The following TMEM154 variants were observed in gnomAD, a reference collection of about 807,000 sequenced individuals.
The protein encoded by TMEM154 is transmembrane protein 154.
Under a neutral mutation model 24.5 loss-of-function variants are expected in TMEM154, and 27 were observed. The ratio of observed to expected loss-of-function variants is 1.10; its 90% confidence interval spans 0.81 to 1.52. The LOEUF (loss-of-function observed/expected upper bound fraction) is 1.52, where lower values mean the gene tolerates loss of function less well. TMEM154 is among the 40% of genes most tolerant of loss of function. TMEM154 has a pLI of 0.00. For missense variants in TMEM154, 228 were observed against 213.4 expected (o/e 1.07, Z -0.43); for synonymous variants, 67 against 76.8 (o/e 0.87, Z 0.67).
chr4:152,623,957 T>G lies in TMEM154; in HGVS notation c.*4589A>C, dbSNP rs1561040727. On this transcript the variant is annotated 3_prime_UTR_variant, in exon 7 of 7. Transcript: ENST00000304385. ...AAAGTCCAGTTACTTATTTACAAAA[T>G]ACTAAAGGCCAATGATAAGGTGATA... 1 of 151,104 alleles carries G rather than the reference T, an allele frequency of 6.6e-6. No homozygotes were observed. The highest frequency in any genetic ancestry group is 1.5e-5 in the Non-Finnish European group (1 of 67,856). 9.4% of individuals were successfully genotyped at this position (151,104 alleles called of 1,614,324 possible).
intron 4 of TMEM154, among the ~76,000 whole-genome samples, chr4:152,644,111 C>T (rs989895827): frequency 2.0e-5 from 3 of 152,170 alleles, no homozygotes; most frequent in African/African-American, 7.2e-5. Flanking sequence ...TGAAATACAG[C>T]TAGGGATAGA....
Position 152,626,220 on chromosome 4 carries a change from A to C in TMEM154, c.*2326T>G, listed in dbSNP as rs1329578706. The C allele has an allele frequency of 7.9e-5, 12 of 152,700 alleles. No homozygotes were observed. The highest frequency in any genetic ancestry group is 7.8e-4 in the Admixed American group (12 of 15,290). The allele number at this position is 152,700 out of a possible 1,614,324, so 9.5% of individuals were successfully genotyped here. A position where few individuals can be genotyped will look rare whatever the true frequency, so the allele number is the denominator to read the frequency against. On this transcript the variant is annotated 3_prime_UTR_variant, in exon 7 of 7. Coordinates refer to ENST00000304385, the MANE Select transcript of TMEM154 (RefSeq NM_152680.3). The stretch of plus-strand genomic sequence containing the variant: ...AATGTACGAAAATGCAATCAAACTT[A>C]CATATCTTTTAAATATTCGAAAGTC...
rs112861894 is a variant in TMEM154 at position 152,647,330 on chromosome 4, G to GAA, written c.365-2890_365-2889dup. The stretch of plus-strand genomic sequence containing the variant: ...CTTCCATGATAGTTGTATTTTACCT[G>GAA]AAAAAAAATCAAATTTTGCTCATGT... On this transcript the variant is annotated intron_variant, in intron 3 of 6. Coordinates refer to ENST00000304385, the MANE Select transcript of TMEM154 (RefSeq NM_152680.3). The GAA allele has an allele frequency of 7.3e-4, 718 of 984,826 alleles. 4 individuals are homozygous for GAA. In the African/African-American group the frequency reaches 0.011, roughly 15 times the overall value. The allele number at this position is 984,826 out of a possible 1,614,324, so 61.0% of individuals were successfully genotyped here.
Position 152,628,707 on chromosome 4 carries a change from G to A in TMEM154, c.537-146C>T, listed in dbSNP as rs145709598. 188 of 1,043,836 alleles carry A rather than the reference G, an allele frequency of 1.8e-4. 1 individual carries two copies. In the East Asian group the frequency reaches 5.3e-3, roughly 29 times the overall value. The allele number at this position is 1,043,836 out of a possible 1,614,324, so 64.7% of individuals were successfully genotyped here. On this transcript the variant is annotated intron_variant, in intron 6 of 6. Transcript: ENST00000304385. ...GCTGGAGCGCAGTGGCACAATCTCG[G>A]CCCACTGCAAGCTCCACCTCCCAGG...
intron 1 of TMEM154, among the ~76,000 whole-genome samples, chr4:152,658,063 A>G (rs114248985): frequency 0.023 from 3,513 of 152,328 alleles, 129 homozygotes; most frequent in African/African-American, 0.071. Flanking sequence ...CACATTTTTA[A>G]AAATTGAAAT....
chr4:152,666,136 T>C (rs1728718049), intron 1 of TMEM154, among the ~76,000 whole-genome samples: 1 of 152,070 alleles, frequency 6.6e-6, no homozygotes, highest in African/African-American at 2.4e-5. Context: ...GCTGCTGGTC[T>C]GCAGGGCATA....
intron 1 of TMEM154, among the ~76,000 whole-genome samples, chr4:152,660,090 G>A: frequency 6.6e-6 from 1 of 152,132 alleles, no homozygotes; most frequent in East Asian, 1.9e-4. Context: ...AGTCAATAAT[G>A]TATTCACATA....
chr4:152,668,621 A>C (rs1728767934), intron 1 of TMEM154: 1 of 152,290 alleles, frequency 6.6e-6, no homozygotes, highest in Non-Finnish European at 1.5e-5. Flanking sequence ...AAACTGGAAG[A>C]CAGAGACAAA....
intron 1 of TMEM154, among the ~76,000 whole-genome samples, chr4:152,679,633 G>A (rs1232351275): frequency 6.6e-6 from 1 of 152,108 alleles, no homozygotes; most frequent in African/African-American, 2.4e-5. Context: ...GGAAGACAAA[G>A]ACTGAAAGAG....
At position 152,628,995 on chromosome 4, in the gene TMEM154, G is replaced by C. The variant is rs574560826; in HGVS notation, c.537-434C>G. Reference sequence around the variant, plus strand: ...AAAGAGAGCTGGTCACTCCATTATGGAGGTGACTGAAGAGATCACAAACCA... The same window carrying C: ...AAAGAGAGCTGGTCACTCCATTATGCAGGTGACTGAAGAGATCACAAACCA... On this transcript the variant is annotated intron_variant, in intron 6 of 6. Transcript: ENST00000304385. Among the ~76,000 whole-genome samples, 5 of 152,150 alleles carry C rather than the reference G, an allele frequency of 3.3e-5. No homozygotes were observed. In the East Asian group the frequency reaches 9.7e-4, roughly 29 times the overall value.
chr4:152,661,284 TTCTCTCTCTCTCTCTCTC>T (rs70949609), intron 1 of TMEM154, among the ~76,000 whole-genome samples: 2,022 of 63,448 alleles, frequency 0.032, 34 homozygotes, highest in Middle Eastern at 0.039. Flanking sequence ...ATTGTTCTCT[TTCTCTCTCTCTCTCTCTC>T]TCTCTCTCTC....
chr4:152,677,491 C>G (rs1220753298), intron 1 of TMEM154, among the ~76,000 whole-genome samples: 1 of 152,118 alleles, frequency 6.6e-6, no homozygotes, highest in African/African-American at 2.4e-5. Context: ...TAACTCATAT[C>G]CTGAAGCCTT....
At chr4:152,646,380 T>G (rs756390120) in intron 3 of TMEM154, among the ~76,000 whole-genome samples, 1 of 152,258 alleles carries the variant, frequency 6.6e-6, no homozygotes, top group East Asian at 1.9e-4. Flanking sequence ...GGCCTCATCT[T>G]CCCTGCTCCA....
intron 5 of TMEM154, among the ~76,000 whole-genome samples, chr4:152,641,903 CTTTTTTTTTTTTTTTTT>C (rs780465309): frequency 7.5e-4 from 31 of 41,484 alleles, no homozygotes; most frequent in South Asian, 1.2e-3. Context: ...AGCAATAATT[CTTTTTTTTTTTTTTTTT>C]TTTTTTTTTT....
intron 4 of TMEM154, among the ~76,000 whole-genome samples, 162 bp from the exon 5 acceptor site, chr4:152,643,335 T>G (rs1347136928): frequency 6.6e-6 from 1 of 152,064 alleles, no homozygotes; most frequent in African/African-American, 2.4e-5. Flanking sequence ...CTACCAAACT[T>G]TAATAGGAAG....
intron 1 of TMEM154, among the ~76,000 whole-genome samples, chr4:152,661,333 TC>T (rs1728605602): frequency 2.5e-5 from 3 of 120,288 alleles, no homozygotes; most frequent in African/African-American, 6.2e-5. Flanking sequence ...TCTCTCTCTC[TC>T]TCTCTCTCCC....
In TMEM154 at chr4:152,622,113, T is replaced by G. The variant is rs1374819367; in HGVS notation, c.*6433A>C. ...GATTACAGGCATGAGCCACCATGCC[T>G]GGCCTACTAGAAATATTTTTAAAAG... On this transcript the variant is annotated 3_prime_UTR_variant, in exon 7 of 7. Transcript: ENST00000304385. 3 of 152,218 alleles carry G rather than the reference T, an allele frequency of 2.0e-5. No homozygotes were observed. The highest frequency in any genetic ancestry group is 4.4e-5 in the Non-Finnish European group (3 of 68,042). The allele number at this position is 152,218 out of a possible 1,614,324, so 9.4% of individuals were successfully genotyped here.
chr4:152,631,793 C>CTTT (rs34455123), intron 6 of TMEM154, among the ~76,000 whole-genome samples: 4 of 61,356 alleles, frequency 6.5e-5, no homozygotes, highest in African/African-American at 2.9e-4. Flanking sequence ...ATCTATCCCC[C>CTTT]TTTTTTTTTT....
intron 5 of TMEM154, 183 bp from the exon 6 acceptor site, chr4:152,641,168 C>A: frequency 1.8e-6 from 1 of 542,504 alleles, no homozygotes; most frequent in East Asian, 3.3e-5. Context: ...ATGGAAAAAG[C>A]ACTAATAACA....
Sources: allele counts gnomAD v4.1 joint callset (sites outside exome capture counted in the v4.1 genomes callset), GRCh38; gene constraint gnomAD v4.1.1; transcripts MANE v1.5; gene names NCBI Gene and HGNC (gene_info 2026-07-23, HGNC 2026-07-21).